ZNF676: variants seen among roughly 807,000 people sequenced by gnomAD.
ZNF676 encodes zinc finger protein 676.
Under a neutral mutation model 6.0 loss-of-function variants are expected in ZNF676, and 4 were observed. That is an observed-to-expected ratio of 0.67 (90% CI 0.33 to 1.53). ZNF676 has a LOEUF of 1.53. Among genes scored for constraint, ZNF676 ranks in the 40% most tolerant of loss-of-function variants. ZNF676 has a pLI of 0.06. For missense variants in ZNF676, 644 were observed against 679.7 expected (o/e 0.95, Z 0.58); for synonymous variants, 198 against 223.1 (o/e 0.89, Z 1.00).
chr19:22,193,018 G>A lies in ZNF676; in HGVS notation c.128C>T (p.Pro43Leu). 6.2e-7 allele frequency: 1 copy of A among 1,604,514 alleles called. No homozygotes were observed. The highest frequency in any genetic ancestry group is 8.5e-7 in the Non-Finnish European group (1 of 1,176,226). Residue 43 changes from proline (P) to leucine (L), a missense_variant and splice_region_variant, in exon 2 of 3, where the codon CCA (proline) becomes CTA (leucine). Coordinates refer to ENST00000397121, the MANE Select transcript of ZNF676 (RefSeq NM_001001411.3). ...MKRHEMVEEP[P>L]VICSHFSQEF... ...TGTCTGTATTCACTCTCACCTACCTGGGGGTTCTTCCACCATCTCATGTCT... is the reference window on the plus strand; with the variant it reads ...TGTCTGTATTCACTCTCACCTACCTAGGGGTTCTTCCACCATCTCATGTCT...
chr19:22,204,107 A>G (rs1188831782), intron 1 of ZNF676: 1 of 152,150 alleles, frequency 6.6e-6, no homozygotes, highest in Non-Finnish European at 1.5e-5. Flanking sequence ...TAGCCATATC[A>G]CCTGTCTTTA....
the ZNF676 span, among the ~76,000 whole-genome samples, chr19:22,255,528 C>A: frequency 6.6e-6 from 1 of 152,154 alleles, no homozygotes; most frequent in South Asian, 2.1e-4. Context: ...AGAGCCCTCA[C>A]TTTCCTATGA....
chr19:22,226,679 C>T, the ZNF676 span, among the ~76,000 whole-genome samples: 1 of 151,810 alleles, frequency 6.6e-6, no homozygotes, highest in African/African-American at 2.4e-5. Flanking sequence ...TCAACACAAC[C>T]TCCACCTTCT....
chr19:22,233,893 C>T, the ZNF676 span, among the ~76,000 whole-genome samples: 2 of 152,230 alleles, frequency 1.3e-5, no homozygotes, highest in Non-Finnish European at 2.9e-5. Context: ...CATTGGTTAG[C>T]ACTCACATGG....
At chr19:22,239,641 C>T in the ZNF676 span, among the ~76,000 whole-genome samples, 2 of 152,178 alleles carry the variant, frequency 1.3e-5, no homozygotes, top group Non-Finnish European at 2.9e-5. Context: ...TGCCAGAGGG[C>T]TTTATGTAAT....
the ZNF676 span, among the ~76,000 whole-genome samples, chr19:22,231,665 T>C: frequency 6.7e-6 from 1 of 149,860 alleles, no homozygotes; most frequent in Non-Finnish European, 1.5e-5. Flanking sequence ...TGCAGTGGTG[T>C]GATCTTGGCT....
At chr19:22,236,891 C>A in the ZNF676 span, among the ~76,000 whole-genome samples, 1 of 152,176 alleles carries the variant, frequency 6.6e-6, no homozygotes, top group Non-Finnish European at 1.5e-5. Flanking sequence ...CTATGCCCAC[C>A]TTGCCTTTGA....
At chr19:22,192,705 A>G (rs558780118) in intron 2 of ZNF676, among the ~76,000 whole-genome samples, 5 of 147,754 alleles carry the variant, frequency 3.4e-5, no homozygotes, top group African/African-American at 1.3e-4. Flanking sequence ...CCTTAAAATT[A>G]CGCGGATATC....
chr19:22,252,087 C>T, the ZNF676 span, among the ~76,000 whole-genome samples: 1 of 152,020 alleles, frequency 6.6e-6, no homozygotes, highest in Admixed American at 6.6e-5. Flanking sequence ...ATAAATGATC[C>T]TTGTAATATT....
intron 2 of ZNF676, among the ~76,000 whole-genome samples, chr19:22,185,924 T>A (rs1485005502): frequency 6.6e-6 from 1 of 151,882 alleles, no homozygotes; most frequent in African/African-American, 2.4e-5. Context: ...CTGAAAGTGA[T>A]GGGGAGAATG....
Position 22,196,821 on chromosome 19 carries a change from G to T in ZNF676, c.-188C>A. The T allele has an allele frequency of 8.8e-7, 1 of 1,137,136 alleles. No homozygotes were observed. Among genetic ancestry groups the T allele is most frequent in the Non-Finnish European group, 1.3e-6 (1 of 782,830 alleles). The allele number at this position is 1,137,136 out of a possible 1,614,324, so 70.4% of individuals were successfully genotyped here. A position where few individuals can be genotyped will look rare whatever the true frequency, so the allele number is the denominator to read the frequency against. On this transcript the variant is annotated 5_prime_UTR_variant, in exon 1 of 3. Coordinates refer to ENST00000397121, the MANE Select transcript of ZNF676 (RefSeq NM_001001411.3). ...TAAAATGGAGAGAGTAGAGAGAGCT[G>T]GTTCTGACTTATATGAATGACTGAA...
At chr19:22,258,837 A>G in the ZNF676 span, among the ~76,000 whole-genome samples, 1 of 152,204 alleles carries the variant, frequency 6.6e-6, no homozygotes, top group Non-Finnish European at 1.5e-5. Context: ...AGGAGAGTCA[A>G]ATCACTCAAG....
intron 1 of ZNF676, among the ~76,000 whole-genome samples, chr19:22,209,490 G>C (rs909177860): frequency 3.2e-4 from 49 of 152,068 alleles, no homozygotes; most frequent in African/African-American, 1.2e-3. Context: ...AAGACACTGA[G>C]GCCTAGTTGA....
intron 2 of ZNF676, among the ~76,000 whole-genome samples, chr19:22,183,026 A>G (rs2023782523): frequency 6.6e-6 from 1 of 152,132 alleles, no homozygotes; most frequent in African/African-American, 2.4e-5. Flanking sequence ...AATAAGGAGG[A>G]CTTTTTTATG....
chr19:22,193,744 C>G (rs1049104525), intron 1 of ZNF676, among the ~76,000 whole-genome samples: 2 of 152,076 alleles, frequency 1.3e-5, no homozygotes, highest in African/African-American at 4.8e-5. Context: ...CCTTTAGGAC[C>G]TTGTGCTTTT....
upstream of ZNF676, among the ~76,000 whole-genome samples, chr19:22,218,034 A>G (rs977749807): frequency 6.6e-6 from 1 of 152,002 alleles, no homozygotes. Context: ...GAGTAAGGTG[A>G]TATCACATTG....
At chr19:22,184,511 T>A (rs983677275) in intron 2 of ZNF676, among the ~76,000 whole-genome samples, 2 of 151,978 alleles carry the variant, frequency 1.3e-5, no homozygotes, top group African/African-American at 4.8e-5. Flanking sequence ...AGAAGGCCAG[T>A]GAGACAGAAC....
chr19:22,233,058 A>G, the ZNF676 span, among the ~76,000 whole-genome samples: 3 of 152,208 alleles, frequency 2.0e-5, no homozygotes, highest in Non-Finnish European at 4.4e-5. Flanking sequence ...CAAAATTAAA[A>G]CAATTTGGTG....
intron 1 of ZNF676, among the ~76,000 whole-genome samples, chr19:22,207,866 G>A (rs1487328836): frequency 6.6e-6 from 1 of 151,878 alleles, no homozygotes; most frequent in Non-Finnish European, 1.5e-5. Flanking sequence ...TTAATAAATG[G>A]TGCCAGAATA....
Sources: gnomAD v4.1 joint callset for allele counts (sites outside exome capture counted in the v4.1 genomes callset) on GRCh38, gnomAD v4.1.1 for gene constraint, MANE v1.5 for transcripts, NCBI Gene and HGNC (gene_info 2026-07-23, HGNC 2026-07-21) for gene names.